LIN28A: variants seen among roughly 807,000 people sequenced by gnomAD.
The protein encoded by LIN28A is lin-28 RNA binding posttranscriptional regulator A.
LIN28A carries 11 observed loss-of-function variants against 21.1 expected under a neutral mutation model. The observed-to-expected ratio is 0.52, with a 90% CI of 0.33 to 0.86. The LOEUF is 0.86. Ranked by LOEUF, LIN28A falls within the 40% of genes least tolerant of loss-of-function variation. The pLI is 0.03. For missense variants in LIN28A, 219 were observed against 279.8 expected (o/e 0.78, Z 1.55); for synonymous variants, 111 against 108.7 (o/e 1.02, Z -0.13).
At chr1:26,424,735 T>C (rs1359732295) in intron 2 of LIN28A, among the ~76,000 whole-genome samples, 1 of 149,436 alleles carries the variant, frequency 6.7e-6, no homozygotes, top group Admixed American at 6.7e-5. Flanking sequence ...TTTTTCTGTT[T>C]GTTGTTGTTT....
rs141858038 is a variant in LIN28A, at chr1:26,425,473, A to T, written c.399A>T (p.Arg133Ser). Reference protein sequence around the residue: ...RPKGKSMQKRRSKGDRCYNCG... With the variant: ...RPKGKSMQKRSSKGDRCYNCG... ...AAGGAAAGAGCATGCAGAAGCGCAG[A>T]TCAAAAGGAGACAGGTATGGATTGG... Residue 133 changes from arginine (R) to serine (S), a missense_variant, in exon 3 of 4, where the codon AGA becomes AGT. Arg to Ser is a moderately radical substitution (Grantham distance 110, BLOSUM62 -1). This residue lies in a region of LIN28A where 124 missense variants were observed against 193.1 expected (regional missense o/e 0.64). Transcript: ENST00000326279. 8 of 1,613,940 alleles carry T rather than the reference A, an allele frequency of 5.0e-6. No individual in the cohort carries two copies. Among genetic ancestry groups the T allele is most frequent in the Non-Finnish European group, 6.8e-6 (8 of 1,179,992 alleles).
In LIN28A at chr1:26,411,057, C is replaced by T. The variant is rs1200948543; in HGVS notation, c.31+135C>T. On this transcript the variant is annotated intron_variant, in intron 1 of 3. Coordinates refer to ENST00000326279, the MANE Select transcript of LIN28A (RefSeq NM_024674.6). The surrounding 1 kb of genome is among the most constrained non-coding windows in gnomAD (Gnocchi z 5.4). ...GGTGCGGCCTTCTGCTTCATAGGGC[C>T]GTCTCTGGGGCCAGGAACCTTGGTG... 2 of 1,172,242 alleles carry T rather than the reference C, an allele frequency of 1.7e-6. No homozygotes were observed. The highest frequency in any genetic ancestry group is 2.4e-6 in the Non-Finnish European group (2 of 846,770). The allele number at this position is 1,172,242 out of a possible 1,614,324, so 72.6% of individuals were successfully genotyped here.
chr1:26,426,600 TC>T lies in LIN28A; in HGVS notation c.*145del, dbSNP rs1343773747. On this transcript the variant is annotated 3_prime_UTR_variant, in exon 4 of 4. Transcript: ENST00000326279. The stretch of plus-strand genomic sequence containing the variant: ...TTGGGTTCACACCATCACCCTTTCT[TC>T]CCTCTAGGTGGGGGGAAAGGGTGAG... 1.4e-5 allele frequency: 9 copies of T among 663,406 alleles called. No homozygotes were observed. The highest frequency in any genetic ancestry group is 2.4e-5 in the Non-Finnish European group (9 of 371,438). The allele number at this position is 663,406 out of a possible 1,614,324, so 41.1% of individuals were successfully genotyped here.
rs1306830136 is a variant in LIN28A, at chr1:26,411,195, A to G, written c.32-191A>G. On this transcript the variant is annotated intron_variant, in intron 1 of 3. Coordinates refer to ENST00000326279, the MANE Select transcript of LIN28A (RefSeq NM_024674.6). This position sits in a 1 kb window ranked among gnomAD's most constrained non-coding sequence, Gnocchi z 5.4. Reference sequence around the variant, plus strand: ...AGAGGAGCAAAACTTTCGGGGCACTACTGTCCCGGTGTACGCTAGGGGAAC... The same window carrying G: ...AGAGGAGCAAAACTTTCGGGGCACTGCTGTCCCGGTGTACGCTAGGGGAAC... 2.6e-5 allele frequency among the ~76,000 whole-genome samples: 4 copies of G among 152,188 alleles called. No individual in the cohort carries two copies. Among genetic ancestry groups the G allele is most frequent in the African/African-American group, 9.6e-5 (4 of 41,458 alleles).
intron 2 of LIN28A, among the ~76,000 whole-genome samples, chr1:26,417,497 G>T (rs954507556): frequency 6.6e-6 from 1 of 152,164 alleles, no homozygotes; most frequent in East Asian, 1.9e-4. Flanking sequence ...TTTAAACGTA[G>T]CTACTAGAAA....
rs1471710828 is a variant in LIN28A at position 26,411,141 on chromosome 1, C to G, written c.31+219C>G. Among the ~76,000 whole-genome samples the G allele has an allele frequency of 6.6e-6, 1 of 152,208 alleles. No individual in the cohort carries two copies. On this transcript the variant is annotated intron_variant, in intron 1 of 3. Transcript: ENST00000326279. This position sits in a 1 kb window ranked among gnomAD's most constrained non-coding sequence, Gnocchi z 5.4. ...GATGGAGAGGAGAGGCTTGTCCCGC[C>G]GTGAGTCTCTGGGAAACGCGTTGTG...
rs776766156 is a variant in LIN28A, at chr1:26,425,462, C to A, written c.388C>A (p.Gln130Lys). 3 of 1,613,862 alleles carry A rather than the reference C, an allele frequency of 1.9e-6. No homozygotes were observed. The highest frequency in any genetic ancestry group is 2.5e-6 in the Non-Finnish European group (3 of 1,179,974). The change falls in exon 3 of 4, where the codon CAG (glutamine) becomes AAG (lysine). Residue 130 changes from glutamine (Q) to lysine (K), a missense_variant. By Grantham distance (53) the Gln-to-Lys change is moderately conservative. Coordinates refer to ENST00000326279, the MANE Select transcript of LIN28A (RefSeq NM_024674.6). ...SERRPKGKSM[Q>K]KRRSKGDRCY... Reference sequence around the variant, plus strand: ...GAGGCGGCCAAAAGGAAAGAGCATGCAGAAGCGCAGATCAAAAGGAGACAG... The same window carrying A: ...GAGGCGGCCAAAAGGAAAGAGCATGAAGAAGCGCAGATCAAAAGGAGACAG...
At chr1:26,413,374 T>G (rs2074972816) in intron 2 of LIN28A, among the ~76,000 whole-genome samples, 1 of 152,132 alleles carries the variant, frequency 6.6e-6, no homozygotes, top group Non-Finnish European at 1.5e-5. Context: ...GAAGGTGTTT[T>G]CTTGTTTTGT....
chr1:26,423,115 G>T (rs2075036667), intron 2 of LIN28A, among the ~76,000 whole-genome samples: 2 of 152,044 alleles, frequency 1.3e-5, no homozygotes, highest in South Asian at 4.1e-4. Flanking sequence ...GTACAGTGGT[G>T]CCATCTCTGC....
intron 2 of LIN28A, among the ~76,000 whole-genome samples, chr1:26,416,790 TG>T (rs2074996054): frequency 6.6e-6 from 1 of 151,976 alleles, no homozygotes; most frequent in African/African-American, 2.4e-5. Flanking sequence ...GCTAATGTTT[TG>T]TATTTTTAGT....
intron 2 of LIN28A, among the ~76,000 whole-genome samples, chr1:26,415,096 G>GATATGTTTCAATCTCAA (rs1244769901): frequency 6.6e-6 from 1 of 152,158 alleles, no homozygotes; most frequent in African/African-American, 2.4e-5. Flanking sequence ...TCAGGACCCA[G>GATATGTTTCAATCTCAA]ATATGTTTCA....
chr1:26,419,717 AT>A (rs2075017523), intron 2 of LIN28A, among the ~76,000 whole-genome samples: 1 of 152,134 alleles, frequency 6.6e-6, no homozygotes, highest in African/African-American at 2.4e-5. Flanking sequence ...CATTTTATAG[AT>A]GATTAAAGAA....
chr1:26,411,375 CCT>C lies in LIN28A; in HGVS notation c.32-5_32-4del, dbSNP rs1388849438. 6.4e-7 allele frequency: 1 copy of C among 1,570,894 alleles called. No individual in the cohort carries two copies. Among genetic ancestry groups the C allele is most frequent in the African/African-American group, 1.4e-5 (1 of 73,050 alleles). ...CCCCCCAGCTAAGTGCCCGGCCCTCCCTCTCTCCAGGTGGCTGCGCCAAGGCG... is the reference window on the plus strand; with the variant it reads ...CCCCCCAGCTAAGTGCCCGGCCCTCCCTCTCCAGGTGGCTGCGCCAAGGCG... On this transcript the variant is annotated splice_polypyrimidine_tract_variant and intron_variant, in intron 1 of 3. Transcript: ENST00000326279. This position sits in a 1 kb window ranked among gnomAD's most constrained non-coding sequence, Gnocchi z 5.4.
In LIN28A at chr1:26,411,505, A is replaced by G; in HGVS notation, c.151A>G (p.Met51Val). 1 of 1,614,122 alleles carries G rather than the reference A, an allele frequency of 6.2e-7. No homozygotes were observed. Among genetic ancestry groups the G allele is most frequent in the Non-Finnish European group, 8.5e-7 (1 of 1,180,000 alleles). ...CATCTGTAAGTGGTTCAACGTGCGC[A>G]TGGGGTTCGGCTTCCTGTCCATGAC... Reference protein sequence around the residue: ...AGICKWFNVRMGFGFLSMTAR... With the variant: ...AGICKWFNVRVGFGFLSMTAR... The change falls in exon 2 of 4, where the codon ATG (methionine) becomes GTG (valine). Residue 51 changes from methionine to valine, a missense_variant. By Grantham distance (21) the Met-to-Val change is conservative (BLOSUM62 1). Around this residue, in one of 3 missense-constraint regions of LIN28A, gnomAD observed 124 missense variants for 193.1 expected, o/e 0.64. Transcript: ENST00000326279. The surrounding 1 kb of genome is among the most constrained non-coding windows in gnomAD (Gnocchi z 5.4).
rs1260949114 is a variant in LIN28A at position 26,411,980 on chromosome 1, G to C, written c.228+398G>C. On this transcript the variant is annotated intron_variant, in intron 2 of 3. Transcript: ENST00000326279. The surrounding 1 kb of genome is among the most constrained non-coding windows in gnomAD (Gnocchi z 5.4). ...AAGCCGGGAGCCCAGCTCCTCCAAC[G>C]TCTGAATGGAGCTCAGAAGGCGGGA... is the stretch of plus-strand genomic sequence containing the variant. Among the ~76,000 whole-genome samples, 1 of 152,342 alleles carries C rather than the reference G, an allele frequency of 6.6e-6. No individual in the cohort carries two copies. The highest frequency in any genetic ancestry group is 1.9e-4 in the East Asian group (1 of 5,178).
chr1:26,425,548 T>C, intron 3 of LIN28A, 61 bp downstream of exon 3: 1 of 1,503,562 alleles, frequency 6.7e-7, no homozygotes, highest in South Asian at 1.2e-5. Flanking sequence ...CCCAATCCTG[T>C]CACTTTTTGG....
chr1:26,421,635 C>T (rs1056410943), intron 2 of LIN28A, among the ~76,000 whole-genome samples: 34 of 152,146 alleles, frequency 2.2e-4, no homozygotes, highest in Non-Finnish European at 3.4e-4. Flanking sequence ...AATATGACTT[C>T]CTTTCCCAAT....
In LIN28A at chr1:26,429,183, CA is replaced by C; in HGVS notation, c.*2730del. ...CTGTCTCAAACAAAACAAAACAAAA[CA>C]AAAACACACTACTGTATTTTGGATG... On this transcript the variant is annotated 3_prime_UTR_variant, in exon 4 of 4. Coordinates refer to ENST00000326279, the MANE Select transcript of LIN28A (RefSeq NM_024674.6). 1 of 162,864 alleles carries C rather than the reference CA, an allele frequency of 6.1e-6. No homozygotes were observed. Among genetic ancestry groups the C allele is most frequent in the Non-Finnish European group, 1.3e-5 (1 of 76,266 alleles). 10.1% of individuals were successfully genotyped at this position (162,864 alleles called of 1,614,324 possible). A position where few individuals can be genotyped will look rare whatever the true frequency, so the allele number is the denominator to read the frequency against.
intron 2 of LIN28A, among the ~76,000 whole-genome samples, chr1:26,412,145 T>C (rs1246831331): frequency 2.0e-5 from 3 of 152,224 alleles, no homozygotes; most frequent in Non-Finnish European, 2.9e-5. Context: ...CTGTGGGGGC[T>C]TGAAAGCTCA....
Sources: gnomAD v4.1 joint callset for allele counts (sites outside exome capture counted in the v4.1 genomes callset) on GRCh38, gnomAD v4.1.1 for gene constraint, gnomAD v4.1.1 regional missense constraint, Gnocchi (gnomAD v3.1) non-coding constraint, MANE v1.5 for transcripts, NCBI Gene and HGNC (gene_info 2026-07-23, HGNC 2026-07-21) for gene names.